DCAF4: variants seen among roughly 807,000 people sequenced by gnomAD.
The protein encoded by DCAF4 is DDB1- and CUL4-associated factor 4.
Under a neutral mutation model 60.9 loss-of-function variants are expected in DCAF4, and 37 were observed. The ratio of observed to expected loss-of-function variants is 0.61; its 90% confidence interval spans 0.47 to 0.80. DCAF4 has a LOEUF of 0.80. Among genes scored for constraint, DCAF4 ranks in the 30% least tolerant of loss-of-function variants. The pLI, the probability that DCAF4 is intolerant of heterozygous loss-of-function variation, is 0.00. For missense variants in DCAF4, 577 were observed against 650.0 expected (o/e 0.89, Z 1.22); for synonymous variants, 243 against 254.8 (o/e 0.95, Z 0.44).
rs117447113 is a variant in DCAF4, at chr14:72,951,782, T to C, written c.729-16T>C. On this transcript the variant is annotated splice_polypyrimidine_tract_variant and intron_variant, in intron 8 of 13. Transcript: ENST00000358377. ...GGGGAGCCTTGTGCCTAACTGTCCTTAACAGCTTTTTCCAGGCTATGCCTC... is the reference window on the plus strand; with the variant it reads ...GGGGAGCCTTGTGCCTAACTGTCCTCAACAGCTTTTTCCAGGCTATGCCTC... The C allele has an allele frequency of 6.9e-5, 111 of 1,613,986 alleles. No individual in the cohort carries two copies. In the East Asian group the frequency reaches 1.8e-3, roughly 26 times the overall value.
At chr14:72,926,716 G>C (rs1050853144) in intron 1 of DCAF4, 173 bp downstream of exon 1, 1 of 152,362 alleles carries the variant, frequency 6.6e-6, no homozygotes, top group Non-Finnish European at 1.5e-5. Context: ...CTAGGTGGCA[G>C]CTGGGCCGGC....
intron 8 of DCAF4, among the ~76,000 whole-genome samples, chr14:72,947,684 G>C (rs1338837020): frequency 5.9e-5 from 9 of 152,234 alleles, no homozygotes; most frequent in Non-Finnish European, 1.3e-4. Flanking sequence ...CAGTGGTCAG[G>C]AGAGCAGGGT....
At chr14:72,940,138 G>T (rs996543093) in intron 3 of DCAF4, 82 bp from the exon 4 acceptor site, 11 of 1,553,538 alleles carry the variant, frequency 7.1e-6, no homozygotes, top group Non-Finnish European at 9.7e-6. Context: ...CCACGAGGTG[G>T]GGGGACAGGC....
Position 72,927,813 on chromosome 14 carries a change from T to C in DCAF4, c.-9+1270T>C, listed in dbSNP as rs185063945. 4.3e-4 allele frequency among the ~76,000 whole-genome samples: 66 copies of C among 152,314 alleles called. 2 individuals carry two copies. The highest frequency in any genetic ancestry group is 3.8e-3 in the Admixed American group (58 of 15,298). ...AATACCAACTCAGGGTGGGCGTTAG[T>C]ACAAAGCTTGCGCCTGAAGTATTTC... On this transcript the variant is annotated intron_variant, in intron 1 of 13. Transcript: ENST00000358377.
chr14:72,945,404 A>G (rs1416158870), intron 6 of DCAF4, among the ~76,000 whole-genome samples: 1 of 151,852 alleles, frequency 6.6e-6, no homozygotes, highest in African/African-American at 2.4e-5. Flanking sequence ...TTAAAAAAAA[A>G]TAGCCTACAT....
chr14:72,947,229 C>T, intron 8 of DCAF4, 38 bp downstream of exon 8: 1 of 1,612,518 alleles, frequency 6.2e-7, no homozygotes, highest in Non-Finnish European at 8.5e-7. Context: ...GTGGGCAGGC[C>T]ACACCCTGAC....
intron 1 of DCAF4, among the ~76,000 whole-genome samples, chr14:72,929,099 T>C (rs756363847): frequency 6.6e-6 from 1 of 152,124 alleles, no homozygotes; most frequent in Non-Finnish European, 1.5e-5. Context: ...TGCTCCCTAC[T>C]GGGTGTAGCG....
chr14:72,953,729 AAAAATATATATAT>A (rs1180381553), intron 9 of DCAF4, among the ~76,000 whole-genome samples: 1 of 40,812 alleles, frequency 2.5e-5, no homozygotes, highest in African/African-American at 1.2e-4. Context: ...AAAAAAAAAA[AAAAATATATATAT>A]ATATATATAT....
chr14:72,930,723 A>T (rs1275646416), intron 1 of DCAF4, among the ~76,000 whole-genome samples: 1 of 152,186 alleles, frequency 6.6e-6, no homozygotes, highest in Non-Finnish European at 1.5e-5. Context: ...GATGATTTAT[A>T]CCTTTGTTTC....
intron 9 of DCAF4, among the ~76,000 whole-genome samples, chr14:72,953,826 G>GTGTGTATGTGTA (rs1306436881): frequency 9.2e-5 from 8 of 86,586 alleles, no homozygotes; most frequent in African/African-American, 3.6e-4. Context: ...GTGTGTGTGT[G>GTGTGTATGTGTA]TGTATATACA....
chr14:72,929,724 G>T, intron 1 of DCAF4: 1 of 1,187,562 alleles, frequency 8.4e-7, no homozygotes, highest in Non-Finnish European at 1.3e-6. Context: ...GAACTTGAGG[G>T]CCCATTTCTC....
chr14:72,955,964 C>T (rs1216064892), intron 12 of DCAF4, among the ~76,000 whole-genome samples: 1 of 141,142 alleles, frequency 7.1e-6, no homozygotes, highest in Admixed American at 7.6e-5. Context: ...GCTCTGTCGC[C>T]CGGGCTGGAG....
intron 1 of DCAF4, chr14:72,929,910 C>T: frequency 7.3e-7 from 1 of 1,368,736 alleles, no homozygotes; most frequent in Non-Finnish European, 1.0e-6. Flanking sequence ...GGCCCACGGC[C>T]ATAAGGTAGC....
intron 1 of DCAF4, among the ~76,000 whole-genome samples, chr14:72,934,449 C>T (rs11626756): frequency 0.27 from 40,870 of 151,888 alleles, 5,937 homozygotes; most frequent in Non-Finnish European, 0.31. Flanking sequence ...CCACTGCACC[C>T]GGCCTAATTT....
chr14:72,955,245 G>A (rs1266886967), intron 11 of DCAF4, among the ~76,000 whole-genome samples: 2 of 152,066 alleles, frequency 1.3e-5, no homozygotes, highest in African/African-American at 4.8e-5. Flanking sequence ...GGACTTCAGA[G>A]AGAAAGGCCA....
intron 1 of DCAF4, among the ~76,000 whole-genome samples, chr14:72,929,115 CG>C (rs1483766764): frequency 6.6e-6 from 1 of 151,916 alleles, no homozygotes; most frequent in Non-Finnish European, 1.5e-5. Context: ...TAGCGCACCC[CG>C]CCCCCCACCC....
chr14:72,953,724 AAAAAAAAAATATATATAT>A (rs1176730199), intron 9 of DCAF4, among the ~76,000 whole-genome samples: 1 of 50,156 alleles, frequency 2.0e-5, no homozygotes, highest in Non-Finnish European at 3.4e-5. Context: ...AAAAAAAAAA[AAAAAAAAAATATATATAT>A]ATATATATAT....
chr14:72,955,607 G>GCCACCCGCCTGTTT lies in DCAF4; in HGVS notation c.1092_1105dup (p.His369ProfsTer10), dbSNP rs1297549635. On this transcript the variant is annotated frameshift_variant, in exon 12 of 14. Coordinates refer to ENST00000358377, the MANE Select transcript of DCAF4 (RefSeq NM_015604.4). LOFTEE classifies it high-confidence loss of function. ...TGGAAATCAAGGCAAGGGATGGAAG[G>GCCACCCGCCTGTTT]CCACCCGCCTGTTTCATGATTCAGC... 1 of 1,614,170 alleles carries GCCACCCGCCTGTTT rather than the reference G, an allele frequency of 6.2e-7. No individual in the cohort carries two copies. The highest frequency in any genetic ancestry group is 8.5e-7 in the Non-Finnish European group (1 of 1,180,034).
At chr14:72,929,097 A>G (rs957308420) in intron 1 of DCAF4, among the ~76,000 whole-genome samples, 9 of 151,998 alleles carry the variant, frequency 5.9e-5, no homozygotes, top group Non-Finnish European at 1.3e-4. Flanking sequence ...GCTGCTCCCT[A>G]CTGGGTGTAG....
Sources: allele counts gnomAD v4.1 joint callset (sites outside exome capture counted in the v4.1 genomes callset), GRCh38; gene constraint gnomAD v4.1.1; transcripts MANE v1.5; gene names NCBI Gene and HGNC (gene_info 2026-07-23, HGNC 2026-07-21).